TFCP2L1: variants seen among roughly 807,000 people sequenced by gnomAD.
The protein encoded by TFCP2L1 is transcription factor CP2-like protein 1.
In TFCP2L1, 12 loss-of-function variants were observed where a neutral mutation model predicts 72.2. The ratio of observed to expected loss-of-function variants is 0.17; its 90% confidence interval spans 0.11 to 0.27. The LOEUF is 0.27. TFCP2L1 is among the 10% of genes least tolerant of loss of function. The pLI is 1.00. For missense variants in TFCP2L1, 488 were observed against 624.6 expected (o/e 0.78, Z 2.33); for synonymous variants, 260 against 251.0 (o/e 1.04, Z -0.34).
In TFCP2L1 at chr2:121,281,252, T is replaced by C. The variant is rs1397304658; in HGVS notation, c.82A>G (p.Ile28Val). The change falls in exon 2 of 15, where the codon ATC (isoleucine) becomes GTC (valine). Residue 28 changes from isoleucine to valine, a missense_variant. Transcript: ENST00000263707. ...AGCTGGGGTTCCTCCTGCTTGAAGA[T>C]GGGCAGAGCGAGCACATCACTGCAA... is the stretch of plus-strand genomic sequence containing the variant. Reference protein sequence around the residue: ...SYLRDVLALPIFKQEEPQLSP... With the variant: ...SYLRDVLALPVFKQEEPQLSP... 24 of 1,608,080 alleles carry C rather than the reference T, an allele frequency of 1.5e-5. No individual in the cohort carries two copies. The highest frequency in any genetic ancestry group is 2.0e-5 in the Non-Finnish European group (24 of 1,177,776).
At chr2:121,269,964 G>T (rs1482908392) in intron 2 of TFCP2L1, among the ~76,000 whole-genome samples, 1 of 144,478 alleles carries the variant, frequency 6.9e-6, no homozygotes, top group East Asian at 2.1e-4. Flanking sequence ...ATTTAAAAAG[G>T]AATGAAATGA....
chr2:121,234,376 G>C, intron 11 of TFCP2L1, 182 bp from the exon 12 acceptor site: 1 of 594,852 alleles, frequency 1.7e-6, no homozygotes, highest in Non-Finnish European at 3.0e-6. Context: ...CTGCCAAGGG[G>C]CACTCTGCCC....
chr2:121,243,896 C>A (rs1686429507), intron 6 of TFCP2L1, among the ~76,000 whole-genome samples: 1 of 152,102 alleles, frequency 6.6e-6, no homozygotes, highest in Non-Finnish European at 1.5e-5. Flanking sequence ...CCGAAACCAT[C>A]CCCCTCTCTT....
In TFCP2L1 at chr2:121,237,034, C is replaced by T. The variant is rs549288075; in HGVS notation, c.1003+589G>A. Among the ~76,000 whole-genome samples, 11 of 152,316 alleles carry T rather than the reference C, an allele frequency of 7.2e-5. No individual in the cohort carries two copies. The South Asian group carries it at 1.9e-3, about 26-fold the overall frequency. On this transcript the variant is annotated intron_variant, in intron 10 of 14. Transcript: ENST00000263707. Reference sequence around the variant, plus strand: ...CACTGCCACAGGTGTCTGTGGCATCCGCTCCTCTAGTTGTGGCCAAGCCTT... The same window carrying T: ...CACTGCCACAGGTGTCTGTGGCATCTGCTCCTCTAGTTGTGGCCAAGCCTT...
Position 121,222,311 on chromosome 2 carries a change from A to C in TFCP2L1, c.*2030T>G. 1 of 152,246 alleles carries C rather than the reference A, an allele frequency of 6.6e-6. No homozygotes were observed. The highest frequency in any genetic ancestry group is 1.9e-4 in the East Asian group (1 of 5,206). The allele number at this position is 152,246 out of a possible 1,614,324, so 9.4% of individuals were successfully genotyped here. On this transcript the variant is annotated 3_prime_UTR_variant, in exon 15 of 15. Coordinates refer to ENST00000263707, the MANE Select transcript of TFCP2L1 (RefSeq NM_014553.3). ...AATTCCACTCCTATGTATATTGCTA[A>C]AAGAAATGAAAACATATGTCCACAC... is the stretch of plus-strand genomic sequence containing the variant.
rs1171489801 is a variant in TFCP2L1, at chr2:121,225,623, AAAAG to A, written c.1342-14_1342-11del. 6.2e-7 allele frequency: 1 copy of A among 1,613,894 alleles called. No individual in the cohort carries two copies. Among genetic ancestry groups the A allele is most frequent in the East Asian group, 2.2e-5 (1 of 44,886 alleles). On this transcript the variant is annotated splice_polypyrimidine_tract_variant and intron_variant, in intron 13 of 14. Transcript: ENST00000263707. Reference sequence around the variant, plus strand: ...GGAAGTTCTGCACCATCTGAGAGACAAAAGAGAGAACATGTTCCTTCAACCACGA... The same window carrying A: ...GGAAGTTCTGCACCATCTGAGAGACAAGAGAACATGTTCCTTCAACCACGA...
chr2:121,259,450 T>C (rs1686790522), intron 2 of TFCP2L1, among the ~76,000 whole-genome samples: 2 of 152,194 alleles, frequency 1.3e-5, no homozygotes, highest in African/African-American at 4.8e-5. Flanking sequence ...TAAATGCACA[T>C]AGGTGCATCT....
At chr2:121,239,712 C>A (rs1314220282) in intron 7 of TFCP2L1, 63 bp from the exon 8 acceptor site, 2 of 1,509,676 alleles carry the variant, frequency 1.3e-6, no homozygotes, top group African/African-American at 2.8e-5. Flanking sequence ...CTCCCCAGGT[C>A]CTCCCAAGCA....
intron 2 of TFCP2L1, among the ~76,000 whole-genome samples, chr2:121,264,726 G>A (rs13035310): frequency 7.9e-5 from 12 of 152,126 alleles, no homozygotes; most frequent in Non-Finnish European, 1.5e-4. Flanking sequence ...GTTCCCGTGC[G>A]CTTCGGGGGC....
At chr2:121,244,393 G>C (rs572297850) in intron 6 of TFCP2L1, among the ~76,000 whole-genome samples, 74 of 152,310 alleles carry the variant, frequency 4.9e-4, no homozygotes, top group African/African-American at 1.7e-3. Context: ...CCTGGCTTCT[G>C]CACATCAGCT....
intron 11 of TFCP2L1, among the ~76,000 whole-genome samples, chr2:121,234,569 G>A (rs1350389638): frequency 6.6e-6 from 1 of 152,234 alleles, no homozygotes; most frequent in African/African-American, 2.4e-5. Context: ...GAGGCTCGGA[G>A]GGCAAAGGGC....
intron 2 of TFCP2L1, among the ~76,000 whole-genome samples, chr2:121,270,847 C>T (rs986371133): frequency 5.3e-5 from 8 of 150,426 alleles, no homozygotes; most frequent in Non-Finnish European, 1.2e-4. Context: ...CCAGCCTGGG[C>T]AACAGAGCTA....
intron 13 of TFCP2L1, among the ~76,000 whole-genome samples, chr2:121,230,914 C>T (rs114844688): frequency 0.02 from 3,003 of 152,176 alleles, 116 homozygotes; most frequent in African/African-American, 0.067. Context: ...TGTCTCAATT[C>T]TTTTTAATAT....
chr2:121,250,681 A>G (rs1472384367), intron 2 of TFCP2L1, among the ~76,000 whole-genome samples: 2 of 148,374 alleles, frequency 1.3e-5, no homozygotes, highest in African/African-American at 5.0e-5. Context: ...ATCTTGGCTC[A>G]CTGCAACCTC....
intron 4 of TFCP2L1, 132 bp from the exon 5 acceptor site, chr2:121,248,402 A>G (rs1686533785): frequency 2.9e-6 from 2 of 685,400 alleles, no homozygotes; most frequent in Admixed American, 2.9e-5. Context: ...AAAGTTTTGC[A>G]TAACTTACTG....
chr2:121,277,310 G>A (rs1202207729), intron 2 of TFCP2L1, among the ~76,000 whole-genome samples: 1 of 152,100 alleles, frequency 6.6e-6, no homozygotes, highest in Non-Finnish European at 1.5e-5. Flanking sequence ...GTCCAGCCTG[G>A]GCAACCCAAG....
At chr2:121,243,615 G>A (rs1014543704) in intron 6 of TFCP2L1, among the ~76,000 whole-genome samples, 9 of 152,184 alleles carry the variant, frequency 5.9e-5, no homozygotes, top group Admixed American at 4.6e-4. Context: ...GACCAGTGGC[G>A]GATTTAGATC....
chr2:121,224,981 T>C (rs1286136316), intron 14 of TFCP2L1, among the ~76,000 whole-genome samples: 1 of 112,980 alleles, frequency 8.9e-6, no homozygotes, highest in East Asian at 2.4e-4. Context: ...CAAGACTCCA[T>C]CAAAAAAAAA....
At chr2:121,273,800 G>A (rs1157259632) in intron 2 of TFCP2L1, among the ~76,000 whole-genome samples, 1 of 152,134 alleles carries the variant, frequency 6.6e-6, no homozygotes, top group Non-Finnish European at 1.5e-5. Flanking sequence ...TTCAATTAAC[G>A]AAAAATGTCT....
Sources: gnomAD v4.1 joint callset for allele counts (sites outside exome capture counted in the v4.1 genomes callset) on GRCh38, gnomAD v4.1.1 for gene constraint, MANE v1.5 for transcripts, NCBI Gene and HGNC (gene_info 2026-07-23, HGNC 2026-07-21) for gene names.